DEPDC5: variants seen among roughly 807,000 people sequenced by gnomAD.
The protein encoded by DEPDC5 is DEP domain containing 5, GATOR1 subcomplex subunit.
Under a neutral mutation model 217.3 loss-of-function variants are expected in DEPDC5, and 73 were observed. That is an observed-to-expected ratio of 0.34 (90% CI 0.28 to 0.41). The LOEUF (loss-of-function observed/expected upper bound fraction) is 0.41. DEPDC5 is among the 10% of genes least tolerant of loss of function. The pLI, the probability that DEPDC5 is intolerant of heterozygous loss-of-function variation, is 1.00. For missense variants in DEPDC5, 1,675 were observed against 2,070.1 expected (o/e 0.81, Z 3.70); for synonymous variants, 733 against 756.7 (o/e 0.97, Z 0.51).
Position 31,837,113 on chromosome 22 carries a change from C to A in DEPDC5, c.2312C>A (p.Thr771Lys). The A allele has an allele frequency of 6.2e-7, 1 of 1,614,172 alleles. No individual in the cohort carries two copies. Among genetic ancestry groups the A allele is most frequent in the Non-Finnish European group, 8.5e-7 (1 of 1,180,038 alleles). ...PDRQGLQNDY[T>K]EGCYDLLPEA... Reference sequence around the variant, plus strand: ...CGCCAGGGCCTGCAGAATGACTACACAGAGGGCTGTTATGATCTCCTTCCA... The same window carrying A: ...CGCCAGGGCCTGCAGAATGACTACAAAGAGGGCTGTTATGATCTCCTTCCA... The change falls in exon 26 of 43, where the codon ACA (threonine) becomes AAA (lysine). Residue 771 changes from threonine (T) to lysine (K), a missense_variant. Physicochemically the swap from Thr to Lys is moderately conservative, Grantham distance 78. Around this residue, in one of 11 missense-constraint regions of DEPDC5, gnomAD observed 293 missense variants for 386.1 expected, o/e 0.76. Transcript: ENST00000651528.
intron 10 of DEPDC5, among the ~76,000 whole-genome samples, chr22:31,790,877 G>A (rs2085554506): frequency 6.6e-6 from 1 of 151,554 alleles, no homozygotes; most frequent in Non-Finnish European, 1.5e-5. Context: ...CTCCTGAGTA[G>A]CTGCAATTTC....
intron 37 of DEPDC5, among the ~76,000 whole-genome samples, chr22:31,879,029 C>CAAAGAA (rs1425789379): frequency 2.2e-4 from 15 of 68,136 alleles, no homozygotes; most frequent in African/African-American, 5.5e-4. Flanking sequence ...GACTCCGTCT[C>CAAAGAA]AAAAAAAAAA....
intron 38 of DEPDC5, among the ~76,000 whole-genome samples, chr22:31,892,819 T>C (rs2093466803): frequency 6.6e-6 from 1 of 151,802 alleles, no homozygotes; most frequent in Non-Finnish European, 1.5e-5. Flanking sequence ...ATTGACATCA[T>C]TGTCACCCAG....
intron 37 of DEPDC5, among the ~76,000 whole-genome samples, chr22:31,878,059 C>T (rs1302560071): frequency 2.6e-5 from 4 of 151,808 alleles, no homozygotes; most frequent in South Asian, 2.1e-4. Context: ...TGGTGGCGCA[C>T]GCCTGTAGAC....
In DEPDC5 at chr22:31,763,505, A is replaced by G. The variant is rs1037655189; in HGVS notation, c.194-1470A>G. On this transcript the variant is annotated intron_variant, in intron 4 of 42. Coordinates refer to ENST00000651528, the MANE Select transcript of DEPDC5 (RefSeq NM_001242896.3). The stretch of plus-strand genomic sequence containing the variant: ...CAGACTGGAGTGCAGTGGTGCAGTC[A>G]CGGCTCACTGCAGCCTCAACCTCCC... Among the ~76,000 whole-genome samples the G allele has an allele frequency of 2.0e-5, 3 of 148,964 alleles. No homozygotes were observed. In the Admixed American group the frequency reaches 2.0e-4, roughly 10 times the overall value.
At chr22:31,840,473 C>G (rs2091324351) in intron 27 of DEPDC5, among the ~76,000 whole-genome samples, 1 of 152,170 alleles carries the variant, frequency 6.6e-6, no homozygotes, top group Non-Finnish European at 1.5e-5. Context: ...TGTCCTTTAT[C>G]CCAAGAGTAA....
At chr22:31,822,294 C>G (rs1304345696) in intron 23 of DEPDC5, among the ~76,000 whole-genome samples, 1 of 152,122 alleles carries the variant, frequency 6.6e-6, no homozygotes, top group Non-Finnish European at 1.5e-5. Context: ...CCTTGACACC[C>G]TAGGGGATAG....
At chr22:31,758,515 T>A (rs1242147133) in intron 2 of DEPDC5, 31 bp from the exon 3 acceptor site, 1 of 1,603,798 alleles carries the variant, frequency 6.2e-7, no homozygotes, top group Non-Finnish European at 8.5e-7. Flanking sequence ...ATGAGTGTTT[T>A]TCTACTTGAA....
At chr22:31,840,542 C>T (rs2091329520) in intron 27 of DEPDC5, among the ~76,000 whole-genome samples, 1 of 152,178 alleles carries the variant, frequency 6.6e-6, no homozygotes, top group African/African-American at 2.4e-5. Flanking sequence ...CTGTTGTTCT[C>T]TGGAATAGCT....
chr22:31,784,512 C>T (rs1304324453), intron 9 of DEPDC5: 4 of 241,276 alleles, frequency 1.7e-5, no homozygotes, highest in Non-Finnish European at 3.2e-5. Flanking sequence ...GCCTGTAATC[C>T]CAGCTACTCA....
At chr22:31,895,546 T>C (rs1383520648) in intron 39 of DEPDC5, among the ~76,000 whole-genome samples, 1 of 152,166 alleles carries the variant, frequency 6.6e-6, no homozygotes, top group Non-Finnish European at 1.5e-5. Context: ...AAAAAGAATA[T>C]TCTTCTGTGG....
intron 12 of DEPDC5, 131 bp downstream of exon 12, chr22:31,792,948 T>C (rs2085850405): frequency 3.1e-6 from 2 of 636,700 alleles, no homozygotes; most frequent in Non-Finnish European, 4.6e-6. Context: ...TCGCCTCTTG[T>C]GGTCCCAGCT....
At position 31,906,370 on chromosome 22, in the gene DEPDC5, C is replaced by T. The variant is rs767617112; in HGVS notation, c.4685C>T (p.Ala1562Val). The T allele has an allele frequency of 1.9e-6, 3 of 1,614,108 alleles. No homozygotes were observed. The highest frequency in any genetic ancestry group is 2.5e-6 in the Non-Finnish European group (3 of 1,179,994). The change falls in exon 43 of 43, where the codon GCC becomes GTC. Residue 1562 changes from alanine to valine, a missense_variant. Around this residue, in one of 11 missense-constraint regions of DEPDC5, gnomAD observed 49 missense variants for 74.7 expected, o/e 0.66. Coordinates refer to ENST00000651528, the MANE Select transcript of DEPDC5 (RefSeq NM_001242896.3). The surrounding 1 kb of genome is among the most constrained non-coding windows in gnomAD (Gnocchi z 5.1). ...CTCACCAAAACATGGCGCTCCAGCG[C>T]CACAGGGGATGAAAAGTTTGCTGAT... Reference protein sequence around the residue: ...TMLTKTWRSSATGDEKFADRL... With the variant: ...TMLTKTWRSSVTGDEKFADRL...
intron 38 of DEPDC5, among the ~76,000 whole-genome samples, chr22:31,888,794 C>T (rs2093373945): frequency 6.6e-6 from 1 of 152,210 alleles, no homozygotes; most frequent in Non-Finnish European, 1.5e-5. Context: ...AATCCTCCCA[C>T]CTCGGCCTCC....
At position 31,846,902 on chromosome 22, in the gene DEPDC5, A is replaced by G. The variant is rs773903143; in HGVS notation, c.3090A>G (p.Ala1030=). The G allele has an allele frequency of 2.5e-6, 4 of 1,614,146 alleles. No homozygotes were observed. The highest frequency in any genetic ancestry group is 3.4e-6 in the Non-Finnish European group (4 of 1,180,020). ...PISTHSLEST[A]PPVGKKGTSA... ...CCACGCATTCTCTGGAGTCAACTGCACCCCCAGTGGGGAAGAAGGGAACCT... is the reference window on the plus strand; with the variant it reads ...CCACGCATTCTCTGGAGTCAACTGCGCCCCCAGTGGGGAAGAAGGGAACCT... The change falls in exon 31 of 43, where the codon GCA becomes GCG. Residue 1030 remains alanine, a synonymous_variant. Coordinates refer to ENST00000651528, the MANE Select transcript of DEPDC5 (RefSeq NM_001242896.3).
In DEPDC5 at chr22:31,845,236, G is replaced by A. The variant is rs758260908; in HGVS notation, c.3020G>A (p.Arg1007Gln). ...RRRHRSDRMM[R>Q]KGTAMKGLQM... ...CGGCATCGCTCGGATCGCATGATGCGGGTAAGGGCTCCTTAGACTCAGGGA... is the reference window on the plus strand; with the variant it reads ...CGGCATCGCTCGGATCGCATGATGCAGGTAAGGGCTCCTTAGACTCAGGGA... The change falls in exon 30 of 43, where the codon CGG becomes CAG. Residue 1007 changes from arginine (R) to glutamine (Q), a missense_variant and splice_region_variant. This residue lies in a region of DEPDC5 where 293 missense variants were observed against 386.1 expected (regional missense o/e 0.76). Transcript: ENST00000651528. 1.9e-6 allele frequency: 3 copies of A among 1,612,802 alleles called. No homozygotes were observed. The highest frequency in any genetic ancestry group is 2.5e-6 in the Non-Finnish European group (3 of 1,179,444).
chr22:31,760,616 G>A, intron 3 of DEPDC5, 40 bp from the exon 4 acceptor site: 1 of 1,595,230 alleles, frequency 6.3e-7, no homozygotes, highest in Non-Finnish European at 8.6e-7. Flanking sequence ...GGGAGTTACT[G>A]TTCACGGTAT....
At chr22:31,887,349 G>A (rs919229715) in intron 38 of DEPDC5, among the ~76,000 whole-genome samples, 2 of 144,994 alleles carry the variant, frequency 1.4e-5, no homozygotes, top group Admixed American at 1.5e-4. Flanking sequence ...AACCCAGGAG[G>A]CAGAGGTTAC....
At chr22:31,854,333 G>C (rs952032351) in intron 31 of DEPDC5, among the ~76,000 whole-genome samples, 1 of 152,184 alleles carries the variant, frequency 6.6e-6, no homozygotes, top group Non-Finnish European at 1.5e-5. Flanking sequence ...ACAAATCCAA[G>C]TGGTCACTGG....
Sources: gnomAD v4.1 joint callset for allele counts (sites outside exome capture counted in the v4.1 genomes callset) on GRCh38, gnomAD v4.1.1 for gene constraint, gnomAD v4.1.1 regional missense constraint, Gnocchi (gnomAD v3.1) non-coding constraint, MANE v1.5 for transcripts, NCBI Gene and HGNC (gene_info 2026-07-23, HGNC 2026-07-21) for gene names.